Variants in GNB4 observed in about 807,000 individuals in gnomAD.
The protein encoded by GNB4 is guanine nucleotide-binding protein subunit beta-4.
In GNB4, 28 loss-of-function variants were observed where a neutral mutation model predicts 45.2. That is an observed-to-expected ratio of 0.62 (90% confidence interval 0.46 to 0.85). The LOEUF (loss-of-function observed/expected upper bound fraction) is 0.85, where lower values mean the gene tolerates loss of function less well. Among genes scored for constraint, GNB4 ranks in the 40% least tolerant of loss-of-function variants. The probability of loss-of-function intolerance (pLI) is 0.00; values close to 1 mark genes in which losing one functional copy is unlikely to be tolerated. For missense variants in GNB4, 321 were observed against 425.4 expected, an observed-to-expected ratio of 0.75 and a Z score of 2.16; for synonymous variants, 132 against 143.7, an observed-to-expected ratio of 0.92 and a Z score of 0.58.
chr3:179,418,812 G>A (rs2108595221), intron 4 of GNB4, among the ~76,000 whole-genome samples: 2 of 152,368 alleles, frequency 1.3e-5, no homozygotes, highest in South Asian at 4.1e-4. Flanking sequence ...AGGCTGTGCT[G>A]TAGCCTTATA....
At chr3:179,480,522 AGGAGGATCCTGGAAATAAGGATCCTCTC>A in the GNB4 span, among the ~76,000 whole-genome samples, 1,357 of 152,162 alleles carry the variant, frequency 8.9e-3, 31 homozygotes, top group African/African-American at 0.031. Flanking sequence ...GGCTTTTTCT[AGGAGGATCCTGGAAATAAGGATCCTCTC>A]GGAGGATCCT....
chr3:179,409,826 A>G (rs1330068776), intron 8 of GNB4, among the ~76,000 whole-genome samples: 1 of 116,866 alleles, frequency 8.6e-6, no homozygotes, highest in Non-Finnish European at 1.8e-5. Context: ...AAAACAAAAA[A>G]ACAAAACAAA....
the GNB4 span, among the ~76,000 whole-genome samples, chr3:179,476,966 G>A: frequency 6.6e-6 from 1 of 152,014 alleles, no homozygotes; most frequent in East Asian, 1.9e-4. Context: ...AAGAATGTGG[G>A]GAGTACAGAC....
chr3:179,405,251 C>G lies in GNB4; in HGVS notation c.855G>C (p.Leu285Phe). The G allele has an allele frequency of 6.2e-7, 1 of 1,614,186 alleles. No homozygotes were observed. Among genetic ancestry groups the G allele is most frequent in the South Asian group, 1.1e-5 (1 of 91,082 alleles). The change falls in exon 9 of 10, where the codon TTG becomes TTC. Residue 285 changes from leucine (L) to phenylalanine (F), a missense_variant. Transcript: ENST00000232564. ...AATTAAAGTCATCGTAACCAGCCAACAAGAGACGCCCACTTTTTGAGAAGG... is the reference window on the plus strand; with the variant it reads ...AATTAAAGTCATCGTAACCAGCCAAGAAGAGACGCCCACTTTTTGAGAAGG... Reference protein sequence around the residue: ...SVAFSKSGRLLLAGYDDFNCN... With the variant: ...SVAFSKSGRLFLAGYDDFNCN...
chr3:179,472,634 G>A, the GNB4 span, among the ~76,000 whole-genome samples: 2 of 151,838 alleles, frequency 1.3e-5, no homozygotes, highest in Non-Finnish European at 2.9e-5. Context: ...AAAGTACTGG[G>A]ATTACAGGCT....
chr3:179,524,729 T>G, the GNB4 span, among the ~76,000 whole-genome samples: 2 of 152,164 alleles, frequency 1.3e-5, no homozygotes, highest in African/African-American at 4.8e-5. Flanking sequence ...TGAACTGGGC[T>G]GGGTTTTTAT....
At chr3:179,520,980 A>T in the GNB4 span, among the ~76,000 whole-genome samples, 2 of 151,956 alleles carry the variant, frequency 1.3e-5, no homozygotes, top group Non-Finnish European at 1.5e-5. Flanking sequence ...ATCACTTCTC[A>T]GTGTTCCATC....
At chr3:179,455,403 G>A (rs1715962928), upstream of GNB4, among the ~76,000 whole-genome samples, 1 of 152,208 alleles carries the variant, frequency 6.6e-6, no homozygotes, top group Non-Finnish European at 1.5e-5. Context: ...GGTATTAAAT[G>A]TCTGTGTGAT....
At chr3:179,421,990 G>A (rs1161832001) in intron 2 of GNB4, among the ~76,000 whole-genome samples, 5 of 152,102 alleles carry the variant, frequency 3.3e-5, no homozygotes, top group Non-Finnish European at 5.9e-5. Flanking sequence ...TTGACTTCAA[G>A]CTTTATGAAA....
intron 1 of GNB4, among the ~76,000 whole-genome samples, chr3:179,434,351 G>A (rs953936289): frequency 3.3e-5 from 5 of 152,056 alleles, no homozygotes; most frequent in African/African-American, 2.4e-5. Flanking sequence ...GCAAATTCCA[G>A]GAGACACACA....
At chr3:179,498,518 C>T in the GNB4 span, among the ~76,000 whole-genome samples, 1 of 152,070 alleles carries the variant, frequency 6.6e-6, no homozygotes, top group African/African-American at 2.4e-5. Context: ...CTCACTGCAA[C>T]CTCCACCTTC....
At chr3:179,420,826 T>G in intron 3 of GNB4, 63 bp downstream of exon 3, 1 of 974,894 alleles carries the variant, frequency 1.0e-6, no homozygotes, top group East Asian at 2.4e-5. Flanking sequence ...TGAATGTCAT[T>G]TGCCTCTATG....
chr3:179,432,810 T>C (rs1715344323), intron 1 of GNB4, among the ~76,000 whole-genome samples: 1 of 152,184 alleles, frequency 6.6e-6, no homozygotes, highest in Non-Finnish European at 1.5e-5. Context: ...CCACTTGCCC[T>C]CCTGCAGTTC....
chr3:179,485,774 C>T, the GNB4 span, among the ~76,000 whole-genome samples: 2 of 151,758 alleles, frequency 1.3e-5, no homozygotes, highest in African/African-American at 2.4e-5. Context: ...AACTCCATCT[C>T]TACTAAAAAT....
At chr3:179,454,108 ATTGTAGAG>A (rs2108628576), upstream of GNB4, among the ~76,000 whole-genome samples, 1 of 152,272 alleles carries the variant, frequency 6.6e-6, no homozygotes, top group South Asian at 2.1e-4. Context: ...TGTGTAGACA[ATTGTAGAG>A]ATGTATCCTA....
the GNB4 span, among the ~76,000 whole-genome samples, chr3:179,506,991 C>G: frequency 6.6e-6 from 1 of 152,194 alleles, no homozygotes; most frequent in Non-Finnish European, 1.5e-5. Flanking sequence ...CAGCCTCCAA[C>G]CTGTTGCTTC....
At chr3:179,423,399 T>TA (rs1491257974) in intron 2 of GNB4, among the ~76,000 whole-genome samples, 1 of 152,218 alleles carries the variant, frequency 6.6e-6, no homozygotes, top group African/African-American at 2.4e-5. Flanking sequence ...CTAAGTCCTC[T>TA]ATGTGTTATT....
At chr3:179,473,336 A>G in the GNB4 span, among the ~76,000 whole-genome samples, 2 of 152,202 alleles carry the variant, frequency 1.3e-5, no homozygotes, top group Admixed American at 1.3e-4. Flanking sequence ...ATTCACAGGA[A>G]GTTGCAAAGA....
At chr3:179,446,391 A>G (rs1715726689) in intron 1 of GNB4, among the ~76,000 whole-genome samples, 1 of 152,230 alleles carries the variant, frequency 6.6e-6, no homozygotes, top group Non-Finnish European at 1.5e-5. Flanking sequence ...AAAAATATTA[A>G]AATACTTCAA....
Sources: allele counts gnomAD v4.1 joint callset (sites outside exome capture counted in the v4.1 genomes callset), GRCh38; gene constraint gnomAD v4.1.1; transcripts MANE v1.5; gene names NCBI Gene and HGNC (gene_info 2026-07-23, HGNC 2026-07-21).